EVC2: variants seen among roughly 807,000 people sequenced by gnomAD.
The protein encoded by EVC2 is EvC ciliary complex subunit 2.
A neutral mutation model predicts 149.3 loss-of-function variants in EVC2; 148 were observed. The observed-to-expected ratio is 0.99, with a 90% CI of 0.87 to 1.14. The LOEUF (loss-of-function observed/expected upper bound fraction) is 1.14, where lower values mean the gene tolerates loss of function less well. Among genes scored for constraint, EVC2 ranks in the 50% most tolerant of loss-of-function variants. EVC2 has a pLI of 0.00. For missense variants in EVC2, 1,854 were observed against 1,627.3 expected, an observed-to-expected ratio of 1.14 and a Z score of -2.40; for synonymous variants, 776 against 649.9, an observed-to-expected ratio of 1.19 and a Z score of -2.95.
intron 16 of EVC2, among the ~76,000 whole-genome samples, chr4:5,612,981 G>A (rs999850155): frequency 2.7e-5 from 4 of 150,058 alleles, no homozygotes; most frequent in Non-Finnish European, 5.9e-5. Flanking sequence ...AGGAGGAGAC[G>A]AGGTAGGGGC....
At position 5,640,023 on chromosome 4, in the gene EVC2, G is replaced by A. The variant is rs1348521772; in HGVS notation, c.1470+491C>T. The stretch of plus-strand genomic sequence containing the variant: ...ATTCTGGATGGATGGATGGGTGGAT[G>A]AGTGATAATGGGCAGATGGGTGGAC... On this transcript the variant is annotated intron_variant, in intron 10 of 21. Coordinates refer to ENST00000344408, the MANE Select transcript of EVC2 (RefSeq NM_147127.5). The surrounding 1 kb of genome is among the most constrained non-coding windows in gnomAD (Gnocchi z 4.6). Among the ~76,000 whole-genome samples, 1 of 152,176 alleles carries A rather than the reference G, an allele frequency of 6.6e-6. No individual in the cohort carries two copies. The highest frequency in any genetic ancestry group is 2.4e-5 in the African/African-American group (1 of 41,432).
At chr4:5,681,340 T>C in intron 6 of EVC2, 27 bp from the exon 7 acceptor site, 2 of 1,613,724 alleles carry the variant, frequency 1.2e-6, no homozygotes, top group South Asian at 1.1e-5. Flanking sequence ...GAAAACACTT[T>C]CAGCAACAGT....
intron 9 of EVC2, among the ~76,000 whole-genome samples, chr4:5,660,425 G>A (rs1718802549): frequency 6.6e-6 from 1 of 152,216 alleles, no homozygotes; most frequent in Non-Finnish European, 1.5e-5. Flanking sequence ...CAGTTAAGTA[G>A]TTGCTCCTGA....
rs76162619 is a variant in EVC2 at position 5,633,317 on chromosome 4, G to A, written c.1471-1285C>T. On this transcript the variant is annotated intron_variant, in intron 10 of 21. Transcript: ENST00000344408. This position sits in a 1 kb window ranked among gnomAD's most constrained non-coding sequence, Gnocchi z 4.4. ...CCTGATTGCCAGCCTGCAACATCCT[G>A]AGCATAGGTCACAGTGAAGCTGTGC... is the stretch of plus-strand genomic sequence containing the variant. Among the ~76,000 whole-genome samples the A allele has an allele frequency of 4.6e-5, 7 of 152,228 alleles. No individual in the cohort carries two copies. The highest frequency in any genetic ancestry group is 2.1e-4 in the South Asian group (1 of 4,830).
intron 9 of EVC2, among the ~76,000 whole-genome samples, chr4:5,644,519 G>C (rs929089079): frequency 6.6e-6 from 1 of 152,054 alleles, no homozygotes; most frequent in African/African-American, 2.4e-5. Context: ...TGGCCAGGAT[G>C]GTCTCAATCT....
intron 11 of EVC2, among the ~76,000 whole-genome samples, chr4:5,630,846 C>T (rs567700454): frequency 1.3e-5 from 2 of 152,284 alleles, no homozygotes; most frequent in South Asian, 2.1e-4. Context: ...TATTGACAGT[C>T]GGAATAGAAA....
chr4:5,564,553 T>A (rs1057216171), intron 21 of EVC2, among the ~76,000 whole-genome samples: 6 of 152,204 alleles, frequency 3.9e-5, no homozygotes, highest in African/African-American at 1.4e-4. Flanking sequence ...AGGACTGAGG[T>A]AGACATGTCC....
rs975012955 is a variant in EVC2 at position 5,640,138 on chromosome 4, G to C, written c.1470+376C>G. The stretch of plus-strand genomic sequence containing the variant: ...TGGGGAATAAGTGGATGGGTAAATT[G>C]TTGGATGGGTGATGGGTGGCATGGA... On this transcript the variant is annotated intron_variant, in intron 10 of 21. Coordinates refer to ENST00000344408, the MANE Select transcript of EVC2 (RefSeq NM_147127.5). The surrounding 1 kb of genome is among the most constrained non-coding windows in gnomAD (Gnocchi z 4.6). Among the ~76,000 whole-genome samples, 1 of 152,076 alleles carries C rather than the reference G, an allele frequency of 6.6e-6. No homozygotes were observed. Among genetic ancestry groups the C allele is most frequent in the Non-Finnish European group, 1.5e-5 (1 of 68,020 alleles).
intron 10 of EVC2, among the ~76,000 whole-genome samples, chr4:5,634,099 A>T (rs997254957): frequency 6.6e-6 from 1 of 152,244 alleles, no homozygotes; most frequent in Non-Finnish European, 1.5e-5. Context: ...TACAAGTCAA[A>T]GGCTTTTATG....
rs138166440 is a variant in EVC2, at chr4:5,562,911, A to T, written c.3864T>A (p.Pro1288=). The T allele has an allele frequency of 7.6e-5, 123 of 1,613,954 alleles. No homozygotes were observed. Among genetic ancestry groups the T allele is most frequent in the Non-Finnish European group, 1.0e-4 (119 of 1,180,028 alleles). ...PKEPEISLHV[P]PRKKKNFLNA... is the part of the protein sequence containing the mutation. ...TCAAAAAGTTCTTCTTTTTCCTGGG[A>T]GGAACGTGCAGTGAGATCTCTGGCT... Residue 1288 remains proline (P), a synonymous_variant, in exon 22 of 22, where the codon CCT becomes CCA. Coordinates refer to ENST00000344408, the MANE Select transcript of EVC2 (RefSeq NM_147127.5). This position sits in a 1 kb window ranked among gnomAD's most constrained non-coding sequence, Gnocchi z 4.3.
chr4:5,540,966 T>C (rs75863579), downstream of EVC2, among the ~76,000 whole-genome samples: 1,790 of 152,306 alleles, frequency 0.012, 29 homozygotes, highest in African/African-American at 0.04. Context: ...CTTTAGGTTT[T>C]AGGCTCCCTC....
intron 16 of EVC2, among the ~76,000 whole-genome samples, chr4:5,585,434 C>G (rs745841791): frequency 1.3e-5 from 2 of 152,214 alleles, no homozygotes; most frequent in Non-Finnish European, 2.9e-5. Context: ...TCTCACTTCT[C>G]TATGTTTGTT....
At position 5,606,537 on chromosome 4, in the gene EVC2, TCAGAG is replaced by T. The variant is rs543843014; in HGVS notation, c.2829+8880_2829+8884del. The stretch of plus-strand genomic sequence containing the variant: ...TGATTCCAGGTAATTCAACTACTTG[TCAGAG>T]CTCTAACCCTATTAAAGAGAACACA... On this transcript the variant is annotated intron_variant, in intron 16 of 21. Coordinates refer to ENST00000344408, the MANE Select transcript of EVC2 (RefSeq NM_147127.5). Among the ~76,000 whole-genome samples, 3 of 152,268 alleles carry T rather than the reference TCAGAG, an allele frequency of 2.0e-5. No homozygotes were observed. In the East Asian group the frequency reaches 5.8e-4, roughly 29 times the overall value.
chr4:5,588,414 A>G (rs1560143392), intron 16 of EVC2, among the ~76,000 whole-genome samples: 1 of 152,138 alleles, frequency 6.6e-6, no homozygotes, highest in East Asian at 1.9e-4. Context: ...TGAGCTTCTT[A>G]AATCTGTGAG....
chr4:5,648,859 G>A (rs1233764324), intron 9 of EVC2, among the ~76,000 whole-genome samples: 7 of 152,130 alleles, frequency 4.6e-5, no homozygotes, highest in African/African-American at 1.2e-4. Context: ...CCTCTACGTC[G>A]ATTAAAATAC....
chr4:5,601,007 T>C (rs981386024), intron 16 of EVC2, among the ~76,000 whole-genome samples: 3 of 152,224 alleles, frequency 2.0e-5, no homozygotes, highest in Non-Finnish European at 4.4e-5. Context: ...TTCCCAAATG[T>C]TGGGCAGCCA....
chr4:5,595,371 A>C (rs1189381334), intron 16 of EVC2, among the ~76,000 whole-genome samples: 1 of 152,206 alleles, frequency 6.6e-6, no homozygotes, highest in African/African-American at 2.4e-5. Context: ...GCTGATCGCT[A>C]GGCAGAAACT....
At chr4:5,702,474 T>C (rs1721888237) in intron 1 of EVC2, among the ~76,000 whole-genome samples, 1 of 152,242 alleles carries the variant, frequency 6.6e-6, no homozygotes, top group Admixed American at 6.5e-5. Context: ...CCCAGAGGCC[T>C]GGTCTCTGCT....
At chr4:5,558,410 G>C (rs186845100), downstream of EVC2, among the ~76,000 whole-genome samples, 20 of 152,190 alleles carry the variant, frequency 1.3e-4, no homozygotes, top group East Asian at 2.9e-3. Flanking sequence ...AGTTGTTTAG[G>C]GTAGTAAAAC....
Sources: allele counts gnomAD v4.1 joint callset (sites outside exome capture counted in the v4.1 genomes callset), GRCh38; gene constraint gnomAD v4.1.1; non-coding constraint Gnocchi (gnomAD v3.1); transcripts MANE v1.5; gene names NCBI Gene and HGNC (gene_info 2026-07-23, HGNC 2026-07-21).